CAB39L: variants seen among roughly 807,000 people sequenced by gnomAD.
CAB39L encodes calcium-binding protein 39-like.
CAB39L carries 23 observed loss-of-function variants against 39.1 expected under a neutral mutation model. The ratio of observed to expected loss-of-function variants is 0.59; its 90% CI spans 0.42 to 0.83. CAB39L has a LOEUF of 0.83. Among genes scored for constraint, CAB39L ranks in the 40% least tolerant of loss-of-function variants. The probability of loss-of-function intolerance (pLI) is 0.00; values close to 1 mark genes in which losing one functional copy is unlikely to be tolerated. For synonymous variants in CAB39L, 126 were observed against 137.2 expected (o/e 0.92, Z 0.57); for missense variants, 366 against 391.9 (o/e 0.93, Z 0.56).
intron 3 of CAB39L, among the ~76,000 whole-genome samples, chr13:49,426,324 C>T (rs1195879026): frequency 1.3e-5 from 2 of 152,210 alleles, no homozygotes; most frequent in African/African-American, 4.8e-5. Flanking sequence ...ATTTTACAGC[C>T]ACACTCTCAA....
intron 3 of CAB39L, among the ~76,000 whole-genome samples, chr13:49,406,333 A>AAT (rs1555264228): frequency 0.17 from 15,211 of 90,556 alleles, 1,391 homozygotes; most frequent in Middle Eastern, 0.23. Context: ...ATGCCCAGCT[A>AAT]TTTTTTTTTT....
Position 49,397,604 on chromosome 13 carries a change from T to C in CAB39L, c.-31-14663A>G, listed in dbSNP as rs142136461. Among the ~76,000 whole-genome samples the C allele has an allele frequency of 4.6e-3, 696 of 152,246 alleles. 4 individuals carry two copies. The highest frequency in any genetic ancestry group is 7.4e-3 in the Non-Finnish European group (502 of 67,948). On this transcript the variant is annotated intron_variant, in intron 3 of 10. Transcript: ENST00000409308. ...ATCTAAGGATCCTACTAGGCTATTG[T>C]AGTTCCAGAAAAAAAAACTAGTAAC...
rs1955584106 is a variant in CAB39L at position 49,359,832 on chromosome 13, C to T, written c.277G>A (p.Gly93Arg). Residue 93 changes from glycine (G) to arginine (R), a missense_variant and splice_region_variant, in exon 6 of 11, where the codon GGA becomes AGA. Coordinates refer to ENST00000409308, the MANE Select transcript of CAB39L (RefSeq NM_001079670.3). ...IADLQLIDFE[G>R]KKDVTQIFNN... ...AATATCTGGGTCACATCTTTTTTTC[C>T]CTGTTAAAGAAACAAACAGAAATTA... is the stretch of plus-strand genomic sequence containing the variant. The T allele has an allele frequency of 1.3e-6, 2 of 1,577,342 alleles. No individual in the cohort carries two copies. Among genetic ancestry groups the T allele is most frequent in the Middle Eastern group, 1.7e-4 (1 of 5,970 alleles).
chr13:49,320,589 G>A lies in CAB39L; in HGVS notation c.835-9596C>T, dbSNP rs1288364508. On this transcript the variant is annotated intron_variant, in intron 10 of 10. Coordinates refer to ENST00000409308, the MANE Select transcript of CAB39L (RefSeq NM_001079670.3). ...ATTCTATTTTGCCAACAGGGATTGA[G>A]CCAGACAAGGTATGGGGAGGTTAGT... Among the ~76,000 whole-genome samples, 10 of 152,130 alleles carry A rather than the reference G, an allele frequency of 6.6e-5. No homozygotes were observed. In the East Asian group the frequency reaches 1.9e-3, roughly 29 times the overall value.
intron 7 of CAB39L, among the ~76,000 whole-genome samples, chr13:49,346,739 T>G (rs1045116502): frequency 6.6e-6 from 1 of 152,152 alleles, no homozygotes; most frequent in Admixed American, 6.5e-5. Flanking sequence ...AGGGATGATT[T>G]TCTTCATTTC....
chr13:49,370,615 GAGA>G (rs557598387), intron 5 of CAB39L, among the ~76,000 whole-genome samples: 1 of 152,184 alleles, frequency 6.6e-6, no homozygotes, highest in Non-Finnish European at 1.5e-5. Flanking sequence ...CATGTGAGTG[GAGA>G]AGGAGGGAGC....
chr13:49,346,552 T>C (rs1340488848), intron 7 of CAB39L, among the ~76,000 whole-genome samples: 1 of 152,144 alleles, frequency 6.6e-6, no homozygotes, highest in East Asian at 1.9e-4. Context: ...CTGATATCTA[T>C]ATTTTTAATG....
chr13:49,330,928 T>C (rs1228764228), intron 10 of CAB39L, among the ~76,000 whole-genome samples: 4 of 152,032 alleles, frequency 2.6e-5, no homozygotes, highest in African/African-American at 7.2e-5. Context: ...AATGATACAC[T>C]ATGATGGTGA....
At chr13:49,377,920 C>G (rs1440370749) in intron 4 of CAB39L, among the ~76,000 whole-genome samples, 4 of 78,004 alleles carry the variant, frequency 5.1e-5, no homozygotes, top group African/African-American at 7.8e-5. Flanking sequence ...GCGCCTCTTC[C>G]CAGCCGCCAT....
chr13:49,323,349 T>C (rs1202976961), intron 10 of CAB39L, among the ~76,000 whole-genome samples: 1 of 152,240 alleles, frequency 6.6e-6, no homozygotes, highest in Non-Finnish European at 1.5e-5. Context: ...TTCTCAATGA[T>C]TTTATTTCCT....
intron 3 of CAB39L, among the ~76,000 whole-genome samples, chr13:49,387,465 C>T (rs1456125521): frequency 1.3e-5 from 2 of 152,192 alleles, no homozygotes; most frequent in East Asian, 1.9e-4. Context: ...GCATTGAAAA[C>T]GGTGTTGAGA....
At chr13:49,441,244 T>TATATATA (rs1957518852) in intron 1 of CAB39L, among the ~76,000 whole-genome samples, 1 of 145,140 alleles carries the variant, frequency 6.9e-6, no homozygotes, top group African/African-American at 2.6e-5. Context: ...TATATATATA[T>TATATATA]TCCCTTTTCC....
chr13:49,419,905 G>A (rs1957146448), intron 3 of CAB39L, among the ~76,000 whole-genome samples: 2 of 151,808 alleles, frequency 1.3e-5, no homozygotes, highest in African/African-American at 4.8e-5. Context: ...TAAAATCCAG[G>A]GCCAAGATCA....
intron 3 of CAB39L, among the ~76,000 whole-genome samples, chr13:49,386,647 AT>A (rs1001020624): frequency 6.6e-6 from 1 of 152,076 alleles, no homozygotes; most frequent in African/African-American, 2.4e-5. Flanking sequence ...TTATTCTTCT[AT>A]TTTGGGATCC....
intron 3 of CAB39L, among the ~76,000 whole-genome samples, chr13:49,421,910 A>C (rs1957177096): frequency 6.6e-6 from 1 of 152,160 alleles, no homozygotes; most frequent in Non-Finnish European, 1.5e-5. Context: ...AACATAATAC[A>C]CACAAAAAAT....
intron 1 of CAB39L, among the ~76,000 whole-genome samples, chr13:49,440,714 CAGTGTG>C (rs1219736945): frequency 9.4e-6 from 1 of 106,070 alleles, no homozygotes; most frequent in Non-Finnish European, 1.8e-5. Flanking sequence ...TATTCCTAGG[CAGTGTG>C]TGTGTGTGTG....
intron 10 of CAB39L, among the ~76,000 whole-genome samples, chr13:49,319,226 C>G (rs536788543): frequency 6.6e-6 from 1 of 152,042 alleles, no homozygotes; most frequent in East Asian, 1.9e-4. Context: ...CCTGGTGACA[C>G]AGCGAGACCC....
intron 3 of CAB39L, among the ~76,000 whole-genome samples, chr13:49,426,450 G>A (rs998960497): frequency 3.3e-5 from 5 of 151,336 alleles, no homozygotes; most frequent in East Asian, 1.9e-4. Context: ...TTTTTGAGAC[G>A]GAGTCTCGCT....
At chr13:49,423,707 A>G (rs1324273696) in intron 3 of CAB39L, among the ~76,000 whole-genome samples, 1 of 152,260 alleles carries the variant, frequency 6.6e-6, no homozygotes, top group African/African-American at 2.4e-5. Flanking sequence ...CGACAACCTT[A>G]TTAATGCATT....
Sources: allele counts gnomAD v4.1 joint callset (sites outside exome capture counted in the v4.1 genomes callset), GRCh38; gene constraint gnomAD v4.1.1; transcripts MANE v1.5; gene names NCBI Gene and HGNC (gene_info 2026-07-23, HGNC 2026-07-21).